KDM5C: variants seen among roughly 807,000 people sequenced by gnomAD.
The protein encoded by KDM5C is lysine-specific demethylase 5C.
Under a neutral mutation model 110.6 loss-of-function variants are expected in KDM5C, and 16 were observed. The ratio of observed to expected loss-of-function variants is 0.14; its 90% CI spans 0.10 to 0.22. KDM5C has a LOEUF of 0.22. Among genes scored for constraint, KDM5C ranks in the 10% least tolerant of loss-of-function variants. The pLI, the probability that KDM5C is intolerant of heterozygous loss-of-function variation, is 1.00. For synonymous variants in KDM5C, 511 were observed against 520.4 expected, an observed-to-expected ratio of 0.98 and a Z score of 0.24; for missense variants, 681 against 1,300.9, an observed-to-expected ratio of 0.52 and a Z score of 7.33.
chrX:53,191,353 G>A (rs782522751), downstream of KDM5C: 21 of 172,807 alleles, frequency 1.2e-4, no homozygotes, highest in Non-Finnish European at 2.2e-4. Flanking sequence ...TATGTAAAAT[G>A]TCCAGAATAG....
chrX:53,209,825 C>A (rs1243342437), intron 12 of KDM5C, among the ~76,000 whole-genome samples: 1 of 112,263 alleles, frequency 8.9e-6, no homozygotes, highest in Non-Finnish European at 1.9e-5. Flanking sequence ...AAGAAGTACA[C>A]AGAGGATAGA....
intron 25 of KDM5C, among the ~76,000 whole-genome samples, chrX:53,179,148 C>T (rs933169375): frequency 7.3e-5 from 8 of 110,036 alleles, no homozygotes; most frequent in Non-Finnish European, 1.1e-4. Flanking sequence ...GCGGGAGAAT[C>T]GCTTTAATCC....
rs782087265 is a variant in KDM5C, at chrX:53,198,480, G to A, written c.2516+10C>T. 6 of 1,198,905 alleles carry A rather than the reference G, an allele frequency of 5.0e-6. No homozygotes were observed. The Admixed American group carries it at 6.8e-5, about 14-fold the overall frequency. On this transcript the variant is annotated intron_variant, in intron 17 of 25. Coordinates refer to ENST00000375401, the MANE Select transcript of KDM5C (RefSeq NM_004187.5). ...CCTTATGTGTGCCCTAACTCCTCACGCTGTCATACCCAGCTTCCTGGCCGC... is the reference window on the plus strand; with the variant it reads ...CCTTATGTGTGCCCTAACTCCTCACACTGTCATACCCAGCTTCCTGGCCGC...
At chrX:53,191,707 T>C, downstream of KDM5C, 1 of 174,166 alleles carries the variant, frequency 5.7e-6, no homozygotes, top group Non-Finnish European at 1.1e-5. Context: ...TGTATAATCT[T>C]AAGGGCAATA....
At chrX:53,203,819 T>G (rs1292757646) in intron 12 of KDM5C, among the ~76,000 whole-genome samples, 2 of 109,381 alleles carry the variant, frequency 1.8e-5, no homozygotes, top group African/African-American at 6.7e-5. Context: ...CAGGCTACAG[T>G]GCCGTGGTGC....
Position 53,200,179 on chromosome X carries a change from T to G in KDM5C, c.2062-1021A>C, listed in dbSNP as rs1470370482. 2.7e-5 allele frequency among the ~76,000 whole-genome samples: 3 copies of G among 111,814 alleles called. No individual in the cohort carries two copies. In the Admixed American group the frequency reaches 2.9e-4, roughly 11 times the overall value. ...ATATATTCCACAGGCCTATCTCATT[T>G]TACTAAGGCAGAAACTAAGTCTCAG... On this transcript the variant is annotated intron_variant, in intron 14 of 25. Transcript: ENST00000375401.
At chrX:53,206,382 T>C (rs1556845163) in intron 12 of KDM5C, among the ~76,000 whole-genome samples, 1 of 111,471 alleles carries the variant, frequency 9.0e-6, no homozygotes, top group Admixed American at 9.5e-5. Context: ...TACAACTGGA[T>C]TGTAGAGATG....
At chrX:53,193,734 G>A (rs375305483) in intron 24 of KDM5C, 39 bp downstream of exon 24, 135 of 1,177,146 alleles carry the variant, frequency 1.1e-4, no homozygotes, top group African/African-American at 3.5e-5. Context: ...CTATGGTGAT[G>A]TGCAGTCAAC....
At chrX:53,204,743 G>T (rs782072177) in intron 12 of KDM5C, among the ~76,000 whole-genome samples, 2 of 111,630 alleles carry the variant, frequency 1.8e-5, no homozygotes, top group South Asian at 7.5e-4. Flanking sequence ...TGATCCACCC[G>T]CCTCGGCCTC....
At chrX:53,203,792 A>G (rs1381567939) in intron 12 of KDM5C, among the ~76,000 whole-genome samples, 1 of 106,805 alleles carries the variant, frequency 9.4e-6, no homozygotes. Flanking sequence ...TTTGACGCAG[A>G]GTCTCACTTT....
intron 10 of KDM5C, 129 bp from the exon 11 acceptor site, chrX:53,210,986 CAT>C: frequency 3.4e-6 from 2 of 587,332 alleles, no homozygotes; most frequent in East Asian, 3.6e-5. Context: ...TCTTAAGAAA[CAT>C]ATAGGTTTTC....
At chrX:53,214,387 T>C (rs1652655533) in intron 8 of KDM5C, 2 of 282,569 alleles carry the variant, frequency 7.1e-6, no homozygotes, top group East Asian at 5.5e-5. Context: ...CCTTAGCTAT[T>C]TTCCTCTCCT....
intron 12 of KDM5C, among the ~76,000 whole-genome samples, chrX:53,205,217 C>CTA (rs781801906): frequency 8.9e-6 from 1 of 112,040 alleles, no homozygotes; most frequent in South Asian, 3.7e-4. Flanking sequence ...TAAATACATT[C>CTA]TACTCTCTGG....
chrX:53,199,799 C>A lies in KDM5C; in HGVS notation c.2062-641G>T, dbSNP rs782374724. ...GAAAAGCTGGCTATATTGGAGTAAT[C>A]GAGAGACAACCCAGTGTGTATATCT... is the stretch of plus-strand genomic sequence containing the variant. On this transcript the variant is annotated intron_variant, in intron 14 of 25. Transcript: ENST00000375401. Among the ~76,000 whole-genome samples the A allele has an allele frequency of 3.6e-5, 4 of 111,935 alleles. No homozygotes were observed. In the South Asian group the frequency reaches 1.5e-3, roughly 41 times the overall value.
chrX:53,212,054 T>C (rs936875149), intron 8 of KDM5C, 148 bp from the exon 9 acceptor site: 3 of 632,200 alleles, frequency 4.7e-6, no homozygotes, highest in Non-Finnish European at 7.6e-6. Flanking sequence ...TTTACAGCTG[T>C]ACCTTTTGCT....
chrX:53,202,057 A>G (rs782181632), intron 12 of KDM5C, 84 bp from the exon 13 acceptor site: 1 of 1,111,343 alleles, frequency 9.0e-7, no homozygotes, highest in African/African-American at 1.8e-5. Context: ...AATTAAGGAG[A>G]CAAAGAAAAG....
Position 53,193,758 on chromosome X carries a change from C to T in KDM5C, c.4117+15G>A. 8.3e-7 allele frequency: 1 copy of T among 1,202,041 alleles called. No homozygotes were observed. Among genetic ancestry groups the T allele is most frequent in the East Asian group, 3.0e-5 (1 of 33,792 alleles). ...TGTGCAGTCAACAGCCTACCCACAC[C>T]ACACCTAGACCTACCTCTCTTACCT... On this transcript the variant is annotated intron_variant, in intron 24 of 25. Transcript: ENST00000375401.
At position 53,218,393 on chromosome X, in the gene KDM5C, C is replaced by T. The variant is rs2073805919; in HGVS notation, c.234G>A (p.Gln78=). ...CCAAGTAGTTCAGTTTCACTCTCGT[C>T]TGGGCCTGAAGAAGAAATGGCTCAA... is the stretch of plus-strand genomic sequence containing the variant. ...RIQRLNELEA[Q]TRVKLNYLDQ... The change falls in exon 3 of 26, where the codon CAG becomes CAA. Residue 78 remains glutamine, a synonymous_variant. Transcript: ENST00000375401. 1.7e-6 allele frequency: 2 copies of T among 1,211,166 alleles called. No homozygotes were observed. The highest frequency in any genetic ancestry group is 1.7e-5 in the African/African-American group (1 of 57,689).
At chrX:53,224,669 A>C in intron 1 of KDM5C, 71 bp downstream of exon 1, 1 of 1,166,693 alleles carries the variant, frequency 8.6e-7, no homozygotes, top group Middle Eastern at 2.4e-4. Context: ...CCTCCGCCCC[A>C]GACTTCGCCG....
Sources: gnomAD v4.1 joint callset for allele counts (sites outside exome capture counted in the v4.1 genomes callset) on GRCh38, gnomAD v4.1.1 for gene constraint, MANE v1.5 for transcripts, NCBI Gene and HGNC (gene_info 2026-07-23, HGNC 2026-07-21) for gene names.